Variants in STAM2 observed in about 807,000 individuals in gnomAD.
The protein encoded by STAM2 is signal transducing adapter molecule 2.
In STAM2, 51 loss-of-function variants were observed where a neutral mutation model predicts 65.6. The ratio of observed to expected loss-of-function variants is 0.78; its 90% CI spans 0.62 to 0.98. The LOEUF (loss-of-function observed/expected upper bound fraction) is 0.98, where lower values mean the gene tolerates loss of function less well. Among genes scored for constraint, STAM2 ranks in the 50% least tolerant of loss-of-function variants. The pLI is 0.00. For synonymous variants in STAM2, 198 were observed against 208.4 expected, an observed-to-expected ratio of 0.95 and a Z score of 0.43; for missense variants, 584 against 617.8, an observed-to-expected ratio of 0.95 and a Z score of 0.58.
chr2:152,157,960 C>T (rs941878512), intron 1 of STAM2, among the ~76,000 whole-genome samples: 1 of 152,070 alleles, frequency 6.6e-6, no homozygotes, highest in Non-Finnish European at 1.5e-5. Flanking sequence ...CAATGTCCAC[C>T]ATAATATAAA....
At chr2:152,136,165 G>A (rs1451274238) in intron 7 of STAM2, among the ~76,000 whole-genome samples, 1 of 151,444 alleles carries the variant, frequency 6.6e-6, no homozygotes, top group Admixed American at 6.6e-5. Context: ...AAGTAAGGCC[G>A]GATGCAGTAG....
At chr2:152,124,111 A>G (rs1311901976) in intron 12 of STAM2, 176 bp from the exon 13 acceptor site, 3 of 560,080 alleles carry the variant, frequency 5.4e-6, no homozygotes, top group Non-Finnish European at 3.1e-6. Context: ...TCACAGTGCC[A>G]AATCTATGGA....
chr2:152,123,102 C>T (rs1468409009), intron 13 of STAM2, among the ~76,000 whole-genome samples: 7 of 150,704 alleles, frequency 4.6e-5, no homozygotes, highest in Non-Finnish European at 8.8e-5. Flanking sequence ...GGCGTGGTGG[C>T]TCACACCTAT....
chr2:152,135,059 G>A (rs1286972109), intron 8 of STAM2, among the ~76,000 whole-genome samples: 3 of 152,146 alleles, frequency 2.0e-5, no homozygotes, highest in African/African-American at 7.2e-5. Context: ...ATCAAGGTGA[G>A]GAAAGGTCTA....
intron 7 of STAM2, 89 bp from the exon 8 acceptor site, chr2:152,135,692 T>G: frequency 1.2e-6 from 1 of 821,658 alleles, no homozygotes; most frequent in Non-Finnish European, 2.0e-6. Context: ...TAGCCTCCTT[T>G]GAATATATCC....
At chr2:152,133,565 G>A in intron 8 of STAM2, 81 bp from the exon 9 acceptor site, 1 of 1,011,838 alleles carries the variant, frequency 9.9e-7, no homozygotes, top group South Asian at 1.5e-5. Context: ...GCCTATGATT[G>A]TCCATAAGAA....
intron 1 of STAM2, among the ~76,000 whole-genome samples, chr2:152,158,452 G>C (rs1210201213): frequency 6.6e-6 from 1 of 151,964 alleles, no homozygotes; most frequent in African/African-American, 2.4e-5. Flanking sequence ...CTCCAACCTG[G>C]GCGACAGAGC....
intron 2 of STAM2, 74 bp downstream of exon 2, chr2:152,150,071 C>T: frequency 2.0e-6 from 2 of 1,019,156 alleles, no homozygotes; most frequent in Non-Finnish European, 3.0e-6. Flanking sequence ...ATTTTCCTCT[C>T]AAAGTTACAT....
chr2:152,150,217 T>G lies in STAM2; in HGVS notation c.53A>C (p.Asn18Thr). Residue 18 changes from asparagine to threonine, a missense_variant, in exon 2 of 14, where the codon AAT (asparagine) becomes ACT (threonine). Coordinates refer to ENST00000263904, the MANE Select transcript of STAM2 (RefSeq NM_005843.6). ...PFEQDVEKATNEYNTTEDWSL... is the reference protein window; with the variant it reads ...PFEQDVEKATTEYNTTEDWSL... ...CCAATCTTCTGTAGTGTTGTACTCA[T>G]TCGTGGCTTTTTCTATAAAATATAT... is the stretch of plus-strand genomic sequence containing the variant. The G allele has an allele frequency of 6.2e-7, 1 of 1,612,582 alleles. No homozygotes were observed. The highest frequency in any genetic ancestry group is 8.5e-7 in the Non-Finnish European group (1 of 1,178,970).
At chr2:152,173,980 GTTTT>G (rs922659827) in intron 1 of STAM2, among the ~76,000 whole-genome samples, 1 of 152,100 alleles carries the variant, frequency 6.6e-6, no homozygotes, top group African/African-American at 2.4e-5. Flanking sequence ...TCTAGACACA[GTTTT>G]TTTGTTTGTT....
At chr2:152,164,048 G>A (rs565015885) in intron 1 of STAM2, among the ~76,000 whole-genome samples, 12 of 152,048 alleles carry the variant, frequency 7.9e-5, no homozygotes, top group Non-Finnish European at 1.0e-4. Flanking sequence ...CTCCCTGTTC[G>A]TACACCCCCT....
At chr2:152,154,823 C>A (rs1020964243) in intron 1 of STAM2, among the ~76,000 whole-genome samples, 2 of 152,164 alleles carry the variant, frequency 1.3e-5, no homozygotes, top group African/African-American at 4.8e-5. Flanking sequence ...ATTTTTAGTA[C>A]CTGCATAATG....
chr2:152,158,147 T>C (rs1348378723), intron 1 of STAM2, among the ~76,000 whole-genome samples: 1 of 152,192 alleles, frequency 6.6e-6, no homozygotes, highest in Non-Finnish European at 1.5e-5. Context: ...AAAAATGGAA[T>C]GTCTGAACTG....
At chr2:152,133,325 C>A in intron 9 of STAM2, 65 bp from the exon 10 acceptor site, 16 of 1,542,776 alleles carry the variant, frequency 1.0e-5, no homozygotes, top group Non-Finnish European at 1.4e-5. Flanking sequence ...TATGAAATTA[C>A]TCTTTCCAAG....
intron 13 of STAM2, among the ~76,000 whole-genome samples, chr2:152,122,074 A>ATGTGTG (rs1255769897): frequency 0.02 from 2,677 of 135,506 alleles, 37 homozygotes; most frequent in Non-Finnish European, 0.03. Context: ...ATATATATAT[A>ATGTGTG]TATGTGTGTG....
Position 152,175,744 on chromosome 2 carries a change from C to T in STAM2, c.-102G>A, listed in dbSNP as rs1171860959. Reference sequence around the variant, plus strand: ...CGCGGCTCCCTAGACCGCTCCGCTTCGGCCTCCGTCCCTGCACTTCCGCCA... The same window carrying T: ...CGCGGCTCCCTAGACCGCTCCGCTTTGGCCTCCGTCCCTGCACTTCCGCCA... On this transcript the variant is annotated 5_prime_UTR_variant, in exon 1 of 14. Transcript: ENST00000263904. 2 of 1,295,806 alleles carry T rather than the reference C, an allele frequency of 1.5e-6. No homozygotes were observed. Among genetic ancestry groups the T allele is most frequent in the South Asian group, 1.3e-5 (1 of 78,764 alleles). The allele number at this position is 1,295,806 out of a possible 1,614,324, so 80.3% of individuals were successfully genotyped here. A position where few individuals can be genotyped will look rare whatever the true frequency, so the allele number is the denominator to read the frequency against.
intron 1 of STAM2, among the ~76,000 whole-genome samples, chr2:152,164,491 C>T (rs946430152): frequency 2.4e-4 from 37 of 152,088 alleles, no homozygotes; most frequent in African/African-American, 8.0e-4. Context: ...TACAGGCATG[C>T]GCCACCACGC....
At chr2:152,122,416 TC>T in intron 13 of STAM2, among the ~76,000 whole-genome samples, 1 of 152,082 alleles carries the variant, frequency 6.6e-6, no homozygotes, top group African/African-American at 2.4e-5. Context: ...TAAAACCCCA[TC>T]TATAAAAAAA....
At chr2:152,167,531 G>A (rs1689808943) in intron 1 of STAM2, among the ~76,000 whole-genome samples, 1 of 152,158 alleles carries the variant, frequency 6.6e-6, no homozygotes, top group Non-Finnish European at 1.5e-5. Flanking sequence ...CATGGTGTTG[G>A]ACAAATATTG....
Sources: allele counts gnomAD v4.1 joint callset (sites outside exome capture counted in the v4.1 genomes callset), GRCh38; gene constraint gnomAD v4.1.1; transcripts MANE v1.5; gene names NCBI Gene and HGNC (gene_info 2026-07-23, HGNC 2026-07-21).